The following CNGA1 variants were observed in gnomAD, a reference collection of about 807,000 sequenced individuals.
CNGA1 encodes the protein cyclic nucleotide-gated channel alpha-1.
In CNGA1, 53 loss-of-function variants were observed where a neutral mutation model predicts 69.7. The ratio of observed to expected loss-of-function variants is 0.76; its 90% CI spans 0.61 to 0.96. The LOEUF is 0.96. Among genes scored for constraint, CNGA1 ranks in the 40% least tolerant of loss-of-function variants. The pLI is 0.00. For missense variants in CNGA1, 739 were observed against 811.2 expected (o/e 0.91, Z 1.08); for synonymous variants, 249 against 283.5 (o/e 0.88, Z 1.22).
chr4:48,011,386 T>G (rs979703522), intron 1 of CNGA1, among the ~76,000 whole-genome samples: 1 of 144,386 alleles, frequency 6.9e-6, no homozygotes, highest in Non-Finnish European at 1.5e-5. Context: ...AATACACACA[T>G]GCACACATGC....
chr4:47,980,821 T>C lies in CNGA1; in HGVS notation c.-15+572A>G, dbSNP rs1320704022. Among the ~76,000 whole-genome samples, 4 of 151,788 alleles carry C rather than the reference T, an allele frequency of 2.6e-5. No homozygotes were observed. The East Asian group carries it at 7.7e-4, about 29-fold the overall frequency. On this transcript the variant is annotated intron_variant, in intron 3 of 10. Transcript: ENST00000514170. ...AATATACACGCTTATCACAGTTATT[T>C]AAAAGAAGGCAAGGTGATTTAAATT...
chr4:47,961,382 A>T (rs1305710978), intron 3 of CNGA1, among the ~76,000 whole-genome samples: 2 of 152,182 alleles, frequency 1.3e-5, no homozygotes, highest in East Asian at 3.9e-4. Context: ...GTGCTTTTAA[A>T]ACCCTCTTCT....
At chr4:47,962,867 C>T (rs912117524) in intron 3 of CNGA1, among the ~76,000 whole-genome samples, 4 of 152,122 alleles carry the variant, frequency 2.6e-5, no homozygotes, top group African/African-American at 9.7e-5. Flanking sequence ...AAAAAATAAA[C>T]CAAAGACTAC....
chr4:47,950,577 C>CTGTT (rs1739680319), intron 5 of CNGA1, among the ~76,000 whole-genome samples: 1 of 151,800 alleles, frequency 6.6e-6, no homozygotes, highest in African/African-American at 2.4e-5. Flanking sequence ...AAACCTAAGA[C>CTGTT]TGTTAGGGAA....
chr4:47,965,056 A>C (rs1403981255), intron 3 of CNGA1, among the ~76,000 whole-genome samples: 1 of 152,202 alleles, frequency 6.6e-6, no homozygotes, highest in Non-Finnish European at 1.5e-5. Flanking sequence ...CTTTTTAAGA[A>C]GCATTTAGTT....
intron 1 of CNGA1, among the ~76,000 whole-genome samples, chr4:48,012,511 C>T (rs1037968220): frequency 6.8e-6 from 1 of 146,510 alleles, no homozygotes; most frequent in Admixed American, 6.8e-5. Context: ...ATCAAAAATC[C>T]TTCCTCTTTT....
chr4:47,987,221 T>C (rs1390932567), intron 2 of CNGA1, among the ~76,000 whole-genome samples: 3 of 152,226 alleles, frequency 2.0e-5, no homozygotes. Context: ...CCTCTAACTA[T>C]AGATGCTCAT....
At chr4:47,943,562 C>A in intron 6 of CNGA1, 150 bp from the exon 7 acceptor site, 1 of 515,150 alleles carries the variant, frequency 1.9e-6, no homozygotes, top group Non-Finnish European at 3.4e-6. Context: ...GGTTTCTACC[C>A]CAAAAAGTGG....
In CNGA1 at chr4:47,937,366, G is replaced by C. The variant is rs1336098993; in HGVS notation, c.1116C>G (p.Val372=). The C allele has an allele frequency of 4.3e-6, 7 of 1,613,992 alleles. No homozygotes were observed. In the Admixed American group the frequency reaches 5.0e-5, roughly 12 times the overall value. Residue 372 remains valine, a synonymous_variant, in exon 11 of 11, where the codon GTC becomes GTG. Coordinates refer to ENST00000514170, the MANE Select transcript of CNGA1 (RefSeq NM_001379270.1). ...TPPPVRDSEY[V]FVVVDFLIGV... Reference sequence around the variant, plus strand: ...CAATTAGGAAATCAACCACCACAAAGACATACTCAGAATCCCTCACGGGAG... The same window carrying C: ...CAATTAGGAAATCAACCACCACAAACACATACTCAGAATCCCTCACGGGAG...
intron 2 of CNGA1, among the ~76,000 whole-genome samples, chr4:47,991,517 G>GT (rs1742269272): frequency 6.6e-6 from 1 of 151,848 alleles, no homozygotes; most frequent in Admixed American, 6.6e-5. Context: ...GGAATTGTTT[G>GT]TTTTTTTCTT....
At chr4:47,982,979 T>C (rs1432878171) in intron 2 of CNGA1, among the ~76,000 whole-genome samples, 1 of 152,072 alleles carries the variant, frequency 6.6e-6, no homozygotes, top group Non-Finnish European at 1.5e-5. Flanking sequence ...AATTTTTGTA[T>C]TTTTAGTAGA....
chr4:47,990,676 C>T (rs1328717275), intron 2 of CNGA1, among the ~76,000 whole-genome samples: 3 of 152,070 alleles, frequency 2.0e-5, no homozygotes, highest in African/African-American at 4.8e-5. Context: ...TGCGGCTCGG[C>T]GTCACCATCA....
chr4:47,968,832 A>G (rs1740864245), intron 3 of CNGA1, among the ~76,000 whole-genome samples: 4 of 152,182 alleles, frequency 2.6e-5, no homozygotes, highest in Admixed American at 2.0e-4. Flanking sequence ...ATGGAAATTC[A>G]TGAGTAAAGA....
At chr4:47,977,009 G>A (rs778533142) in intron 3 of CNGA1, among the ~76,000 whole-genome samples, 37 of 152,184 alleles carry the variant, frequency 2.4e-4, no homozygotes, top group Non-Finnish European at 4.4e-4. Context: ...AGGAGTTTGC[G>A]ACAGTAGAGG....
chr4:47,983,299 T>C (rs1280463366), intron 2 of CNGA1, among the ~76,000 whole-genome samples: 1 of 152,114 alleles, frequency 6.6e-6, no homozygotes, highest in Admixed American at 6.5e-5. Flanking sequence ...CTTAAGAAAA[T>C]AAGCCCCTTG....
intron 10 of CNGA1, among the ~76,000 whole-genome samples, chr4:47,940,428 C>A (rs1249731896): frequency 1.3e-5 from 2 of 152,178 alleles, no homozygotes; most frequent in South Asian, 2.1e-4. Flanking sequence ...CCCCACGACT[C>A]TTTACATTAT....
At chr4:48,010,419 A>T (rs1414663345) in intron 2 of CNGA1, among the ~76,000 whole-genome samples, 1 of 152,210 alleles carries the variant, frequency 6.6e-6, no homozygotes, top group East Asian at 1.9e-4. Flanking sequence ...TGCCTAAACT[A>T]TACTCTTCCT....
At chr4:47,945,813 A>G (rs547643318) in intron 6 of CNGA1, among the ~76,000 whole-genome samples, 1 of 152,336 alleles carries the variant, frequency 6.6e-6, no homozygotes, top group East Asian at 1.9e-4. Context: ...GACTCCCACA[A>G]AAACCAAATA....
chr4:47,986,905 C>T (rs1741998059), intron 2 of CNGA1, among the ~76,000 whole-genome samples: 1 of 152,078 alleles, frequency 6.6e-6, no homozygotes, highest in African/African-American at 2.4e-5. Flanking sequence ...GTTGGAATTT[C>T]ATGTGCATAT....
Sources: gnomAD v4.1 joint callset for allele counts (sites outside exome capture counted in the v4.1 genomes callset) on GRCh38, gnomAD v4.1.1 for gene constraint, MANE v1.5 for transcripts, NCBI Gene and HGNC (gene_info 2026-07-23, HGNC 2026-07-21) for gene names.